CNTN5: variants seen among roughly 807,000 people sequenced by gnomAD.
CNTN5 encodes the protein contactin-5.
A neutral mutation model predicts 129.1 loss-of-function variants in CNTN5; 77 were observed. The observed-to-expected ratio is 0.60, with a 90% confidence interval of 0.50 to 0.72. The LOEUF is 0.72. CNTN5 is among the 30% of genes least tolerant of loss of function. The pLI is 0.00. For missense variants in CNTN5, 1,478 were observed against 1,328.8 expected (o/e 1.11, Z -1.75); for synonymous variants, 509 against 465.6 (o/e 1.09, Z -1.20).
intron 1 of CNTN5, among the ~76,000 whole-genome samples, chr11:99,231,053 T>A (rs1422364236): frequency 6.6e-6 from 1 of 152,204 alleles, no homozygotes; most frequent in Admixed American, 6.5e-5. Flanking sequence ...CAGTCTATCA[T>A]TGATGGGCAT....
At chr11:99,787,556 T>A (rs532878945) in intron 3 of CNTN5, among the ~76,000 whole-genome samples, 1 of 150,978 alleles carries the variant, frequency 6.6e-6, no homozygotes, top group South Asian at 2.1e-4. Flanking sequence ...CAACATCCTA[T>A]AGTGGCACGA....
chr11:99,916,824 A>G lies in CNTN5; in HGVS notation c.673+675A>G, dbSNP rs183595465. Among the ~76,000 whole-genome samples the G allele has an allele frequency of 5.3e-5, 8 of 152,214 alleles. No individual in the cohort carries two copies. The East Asian group carries it at 9.7e-4, about 18-fold the overall frequency. Reference sequence around the variant, plus strand: ...CTTTGGAACTTAGTATAGCTTTACTATAAGTTAAGAGTGACCAGCATCAGT... The same window carrying G: ...CTTTGGAACTTAGTATAGCTTTACTGTAAGTTAAGAGTGACCAGCATCAGT... On this transcript the variant is annotated intron_variant, in intron 7 of 24. Coordinates refer to ENST00000524871, the MANE Select transcript of CNTN5 (RefSeq NM_014361.4).
chr11:99,888,146 A>T (rs1380158726), intron 6 of CNTN5, among the ~76,000 whole-genome samples: 1 of 152,104 alleles, frequency 6.6e-6, no homozygotes, highest in African/African-American at 2.4e-5. Flanking sequence ...GCACATATTT[A>T]TGCTCATTAT....
intron 8 of CNTN5, among the ~76,000 whole-genome samples, chr11:99,961,853 C>A (rs1334893906): frequency 6.6e-6 from 1 of 152,124 alleles, no homozygotes; most frequent in East Asian, 1.9e-4. Flanking sequence ...CCTGGTCATC[C>A]ACACACCCCA....
At chr11:99,622,189 T>C (rs1212747876) in intron 3 of CNTN5, among the ~76,000 whole-genome samples, 2 of 152,202 alleles carry the variant, frequency 1.3e-5, no homozygotes, top group East Asian at 3.8e-4. Context: ...AGCAAGTTAA[T>C]AACTGTATAT....
At chr11:100,222,472 G>T (rs1949286090) in intron 15 of CNTN5, among the ~76,000 whole-genome samples, 1 of 152,054 alleles carries the variant, frequency 6.6e-6, no homozygotes, top group African/African-American at 2.4e-5. Flanking sequence ...TTGTCCAGGA[G>T]ATATATAAAT....
At chr11:99,715,497 G>A (rs1366074557) in intron 3 of CNTN5, among the ~76,000 whole-genome samples, 1 of 151,634 alleles carries the variant, frequency 6.6e-6, no homozygotes, top group African/African-American at 2.4e-5. Flanking sequence ...GGCCATGAAT[G>A]TTTGCCAGGG....
chr11:100,003,114 C>T (rs574283932), intron 9 of CNTN5, among the ~76,000 whole-genome samples: 55 of 152,070 alleles, frequency 3.6e-4, no homozygotes, highest in Middle Eastern at 3.4e-3. Flanking sequence ...TAGTAAACAC[C>T]GTGTTTTAAT....
At chr11:99,909,640 T>C (rs1042014191) in intron 6 of CNTN5, among the ~76,000 whole-genome samples, 1 of 151,872 alleles carries the variant, frequency 6.6e-6, no homozygotes, top group African/African-American at 2.4e-5. Context: ...CCATAAAAAG[T>C]ATGAGTTCAT....
At chr11:99,375,024 C>T (rs891109502) in intron 2 of CNTN5, among the ~76,000 whole-genome samples, 4 of 152,072 alleles carry the variant, frequency 2.6e-5, no homozygotes, top group East Asian at 3.9e-4. Flanking sequence ...AGAGCTAGGC[C>T]GGGCGTGATG....
chr11:99,774,547 T>C (rs1339109708), intron 3 of CNTN5, among the ~76,000 whole-genome samples: 1 of 151,860 alleles, frequency 6.6e-6, no homozygotes, highest in African/African-American at 2.4e-5. Flanking sequence ...GACTACCTTG[T>C]ATCCCTTAAT....
chr11:99,873,766 A>G (rs1453618271), intron 6 of CNTN5, among the ~76,000 whole-genome samples: 2 of 152,166 alleles, frequency 1.3e-5, no homozygotes, highest in African/African-American at 4.8e-5. Flanking sequence ...ACTCATGTTT[A>G]TCATAGCACT....
At chr11:100,216,407 G>A (rs964060765) in intron 15 of CNTN5, among the ~76,000 whole-genome samples, 1 of 151,916 alleles carries the variant, frequency 6.6e-6, no homozygotes, top group Non-Finnish European at 1.5e-5. Context: ...CTCTAAATTA[G>A]AATAAAAAAG....
intron 1 of CNTN5, among the ~76,000 whole-genome samples, chr11:99,073,398 T>TA (rs1312910430): frequency 1.4e-5 from 2 of 141,120 alleles, no homozygotes; most frequent in Non-Finnish European, 3.0e-5. Flanking sequence ...TTTTTTTTTT[T>TA]ACTTTAAGTT....
chr11:99,736,363 G>A (rs1464546902), intron 3 of CNTN5, among the ~76,000 whole-genome samples: 1 of 152,106 alleles, frequency 6.6e-6, no homozygotes, highest in African/African-American at 2.4e-5. Context: ...GTGGAACCTA[G>A]GCCTGGGGCA....
intron 1 of CNTN5, among the ~76,000 whole-genome samples, chr11:99,063,241 C>G (rs1183529245): frequency 6.6e-6 from 1 of 152,034 alleles, no homozygotes; most frequent in East Asian, 1.9e-4. Flanking sequence ...ACGATAAATA[C>G]ATGGCATCAT....
intron 3 of CNTN5, chr11:99,558,163 A>C (rs1330769822): frequency 1.5e-5 from 3 of 195,582 alleles, no homozygotes; most frequent in Non-Finnish European, 3.2e-5. Flanking sequence ...AAAAGAAATC[A>C]AGAGTCTTCA....
intron 1 of CNTN5, among the ~76,000 whole-genome samples, chr11:99,286,347 A>G (rs1863940316): frequency 6.6e-6 from 1 of 152,188 alleles, no homozygotes; most frequent in South Asian, 2.1e-4. Context: ...CTGCTAAGGA[A>G]GTAAAACCTA....
intron 2 of CNTN5, among the ~76,000 whole-genome samples, chr11:99,499,023 C>T (rs1010587380): frequency 5.3e-5 from 8 of 152,116 alleles, no homozygotes; most frequent in Non-Finnish European, 1.0e-4. Context: ...AATACATCCC[C>T]TTGTTGGCTT....
Sources: allele counts gnomAD v4.1 joint callset (sites outside exome capture counted in the v4.1 genomes callset), GRCh38; gene constraint gnomAD v4.1.1; transcripts MANE v1.5; gene names NCBI Gene and HGNC (gene_info 2026-07-23, HGNC 2026-07-21).